The following SERPINA7 variants were observed in gnomAD, a reference collection of about 807,000 sequenced individuals.
SERPINA7 encodes the protein thyroxine-binding globulin.
Under a neutral mutation model 16.0 loss-of-function variants are expected in SERPINA7, and 14 were observed. The observed-to-expected ratio is 0.88, with a 90% CI of 0.58 to 1.37. SERPINA7 has a LOEUF of 1.37. Among genes scored for constraint, SERPINA7 ranks in the 40% most tolerant of loss-of-function variants. The pLI, the probability that SERPINA7 is intolerant of heterozygous loss-of-function variation, is 0.00. For synonymous variants in SERPINA7, 140 were observed against 111.0 expected (o/e 1.26, Z -1.65); for missense variants, 335 against 296.6 (o/e 1.13, Z -0.95).
intron 4 of SERPINA7, among the ~76,000 whole-genome samples, chrX:106,033,926 G>A (rs768153089): frequency 2.0e-4 from 22 of 112,269 alleles, no homozygotes; most frequent in African/African-American, 6.5e-4. Context: ...GCCTGCTGCC[G>A]CCAGGAGTCA....
At chrX:106,036,376 C>G (rs1029267300) in intron 2 of SERPINA7, 61 bp downstream of exon 2, 3 of 1,158,675 alleles carry the variant, frequency 2.6e-6, no homozygotes, top group African/African-American at 3.6e-5. Flanking sequence ...CATGAGCTCC[C>G]CTCAGCACTC....
chrX:106,034,593 T>C (rs1001087007), intron 3 of SERPINA7, among the ~76,000 whole-genome samples: 1 of 112,383 alleles, frequency 8.9e-6, no homozygotes, highest in Non-Finnish European at 1.9e-5. Context: ...ACTGAAGCAC[T>C]GGGAGTAGGG....
Position 106,033,320 on chromosome X carries a change from C to T in SERPINA7, c.*180G>A, listed in dbSNP as rs2041421839. 2.0e-6 allele frequency: 1 copy of T among 508,930 alleles called. No individual in the cohort carries two copies. Among genetic ancestry groups the T allele is most frequent in the African/African-American group, 2.3e-5 (1 of 43,371 alleles). The allele number at this position is 508,930 out of a possible 1,213,427, so 41.9% of individuals were successfully genotyped here. A position where few individuals can be genotyped will look rare whatever the true frequency, so the allele number is the denominator to read the frequency against. ...TAATAATGAATTACTCATTGACATT[C>T]TGAATGCTCTGCCATAGGATTGGCC... On this transcript the variant is annotated 3_prime_UTR_variant, in exon 5 of 5. Transcript: ENST00000372563.
chrX:106,033,401 A>T lies in SERPINA7; in HGVS notation c.*99T>A, dbSNP rs1397612446. ...TTCAATCTTCATCCCATCATAAGGG[A>T]ATGCAAGTCCAAGCTCACATCAATC... On this transcript the variant is annotated 3_prime_UTR_variant, in exon 5 of 5. Coordinates refer to ENST00000372563, the MANE Select transcript of SERPINA7 (RefSeq NM_000354.6). The T allele has an allele frequency of 9.9e-7, 1 of 1,011,128 alleles. No individual in the cohort carries two copies. Among genetic ancestry groups the T allele is most frequent in the Non-Finnish European group, 1.4e-6 (1 of 715,816 alleles). 83.3% of individuals were successfully genotyped at this position (1,011,128 alleles called of 1,213,427 possible).
Position 106,033,616 on chromosome X carries a change from T to G in SERPINA7, c.1132A>C (p.Asn378His), listed in dbSNP as rs777648530. The G allele has an allele frequency of 6.6e-6, 8 of 1,209,478 alleles. No individual in the cohort carries two copies. The highest frequency in any genetic ancestry group is 8.9e-6 in the Non-Finnish European group (8 of 894,977). The change falls in exon 5 of 5, where the codon AAC (asparagine) becomes CAC (histidine). Residue 378 changes from asparagine (N) to histidine (H), a missense_variant. Transcript: ENST00000372563. ...PEVELSDQPENTFLHPIIQID... is the reference protein window; with the variant it reads ...PEVELSDQPEHTFLHPIIQID... ...TGGATAATAGGGTGTAGGAAAGTGTTTTCAGGCTGATCCGAAAGTTCAACT... is the reference window on the plus strand; with the variant it reads ...TGGATAATAGGGTGTAGGAAAGTGTGTTCAGGCTGATCCGAAAGTTCAACT...
chrX:106,034,503 T>A, intron 3 of SERPINA7, 121 bp from the exon 4 acceptor site: 1 of 643,517 alleles, frequency 1.6e-6, no homozygotes, highest in South Asian at 2.5e-5. Flanking sequence ...TTGATAACCA[T>A]TACTATGTAA....
Position 106,034,228 on chromosome X carries a change from A to G in SERPINA7, c.1044+7T>C. 8.3e-7 allele frequency: 1 copy of G among 1,208,713 alleles called. No homozygotes were observed. Among genetic ancestry groups the G allele is most frequent in the Non-Finnish European group, 1.1e-6 (1 of 892,866 alleles). On this transcript the variant is annotated splice_region_variant and intron_variant, in intron 4 of 4. Coordinates refer to ENST00000372563, the MANE Select transcript of SERPINA7 (RefSeq NM_000354.6). ...ATACATTTAAGAACTCTAGTTTATC[A>G]ACTTACATTGGAAAGTTTCAGACCA...
intron 1 of SERPINA7, among the ~76,000 whole-genome samples, chrX:106,037,967 T>A (rs2041464509): frequency 9.0e-6 from 1 of 111,331 alleles, no homozygotes; most frequent in African/African-American, 3.3e-5. Context: ...AAGAGGTCTA[T>A]GAACTCAGAA....
intron 2 of SERPINA7, 107 bp from the exon 3 acceptor site, chrX:106,035,492 A>C (rs772073792): frequency 1.3e-6 from 1 of 778,493 alleles, no homozygotes; most frequent in East Asian, 3.2e-5. Flanking sequence ...CCACAGAGTT[A>C]GGTACCTACA....
rs760040477 is a variant in SERPINA7 at position 106,035,811 on chromosome X, A to G, written c.623-426T>C. The stretch of plus-strand genomic sequence containing the variant: ...CCTCCAAGAAATGTGGCTGACATAT[A>G]CTATAGAACCAGGAGAAATCATTTG... On this transcript the variant is annotated intron_variant, in intron 2 of 4. Coordinates refer to ENST00000372563, the MANE Select transcript of SERPINA7 (RefSeq NM_000354.6). Among the ~76,000 whole-genome samples the G allele has an allele frequency of 5.7e-4, 64 of 112,636 alleles. No homozygotes were observed. The South Asian group carries it at 0.012, about 21-fold the overall frequency.
intron 2 of SERPINA7, 131 bp downstream of exon 2, chrX:106,036,306 G>T: frequency 1.4e-6 from 1 of 689,988 alleles, no homozygotes; most frequent in Non-Finnish European, 2.3e-6. Flanking sequence ...TCACAGCTAT[G>T]TCCAGTGGAG....
At position 106,033,592 on chromosome X, in the gene SERPINA7, G is replaced by C; in HGVS notation, c.1156C>G (p.Gln386Glu). The C allele has an allele frequency of 1.7e-6, 2 of 1,210,618 alleles. No individual in the cohort carries two copies. ...AACAACATGAAAGATCTATCAATTTGGATAATAGGGTGTAGGAAAGTGTTT... is the reference window on the plus strand; with the variant it reads ...AACAACATGAAAGATCTATCAATTTCGATAATAGGGTGTAGGAAAGTGTTT... ...PENTFLHPII[Q>E]IDRSFMLLIL... Residue 386 changes from glutamine to glutamate, a missense_variant, in exon 5 of 5, where the codon CAA (glutamine) becomes GAA (glutamate). Coordinates refer to ENST00000372563, the MANE Select transcript of SERPINA7 (RefSeq NM_000354.6).
rs973692039 is a variant in SERPINA7 at position 106,036,543 on chromosome X, C to T, written c.516G>A (p.Glu172=). 1.7e-6 allele frequency: 2 copies of T among 1,211,377 alleles called. No homozygotes were observed. Among genetic ancestry groups the T allele is most frequent in the Admixed American group, 2.2e-5 (1 of 45,983 alleles). Residue 172 remains glutamate, a synonymous_variant, in exon 2 of 5, where the codon GAG becomes GAA. Transcript: ENST00000372563. The part of the protein sequence containing the change: ...DFSNISAAKQ[E]INSHVEMQTK... ...TTTGCATCTCCACATGACTGTTAAT[C>T]TCCTGCTTGGCTGCAGAAATGTTGG...
intron 1 of SERPINA7, 81 bp from the exon 2 acceptor site, chrX:106,037,156 A>T: frequency 1.4e-6 from 1 of 737,007 alleles, no homozygotes. Context: ...CATAATAACC[A>T]CCCACATTGA....
rs2041420771 is a variant in SERPINA7 at position 106,033,187 on chromosome X, C to T, written c.*313G>A. ...TGCTTTTTAGCTATTCCCCAGAAGACAGAAAAGGGAAAATTTTTCAACCCA... is the reference window on the plus strand; with the variant it reads ...TGCTTTTTAGCTATTCCCCAGAAGATAGAAAAGGGAAAATTTTTCAACCCA... On this transcript the variant is annotated 3_prime_UTR_variant, in exon 5 of 5. Transcript: ENST00000372563. The T allele has an allele frequency of 3.3e-6, 1 of 307,071 alleles. No individual in the cohort carries two copies. Among genetic ancestry groups the T allele is most frequent in the African/African-American group, 2.7e-5 (1 of 36,973 alleles). 25.3% of individuals were successfully genotyped at this position (307,071 alleles called of 1,213,427 possible). A position where few individuals can be genotyped will look rare whatever the true frequency, so the allele number is the denominator to read the frequency against.
chrX:106,034,102 T>C (rs1569336783), intron 4 of SERPINA7, 133 bp downstream of exon 4: 4 of 624,626 alleles, frequency 6.4e-6, no homozygotes, highest in Non-Finnish European at 1.0e-5. Flanking sequence ...TCTGGAGTGA[T>C]TCTAGCTTAG....
chrX:106,036,707 A>G lies in SERPINA7; in HGVS notation c.352T>C (p.Ser118Pro), dbSNP rs748254967. Residue 118 changes from serine (S) to proline (P), a missense_variant, in exon 2 of 5, where the codon TCA (serine) becomes CCA (proline). Transcript: ENST00000372563. ...IQHGFQHLIC[S>P]LNFPKKELEL... ...AGTTCCTTCTTTGGAAAATTCAGTG[A>G]ACAGATCAGATGCTGGAAGCCATGC... The G allele has an allele frequency of 8.3e-7, 1 of 1,211,136 alleles. No homozygotes were observed. The highest frequency in any genetic ancestry group is 1.1e-6 in the Non-Finnish European group (1 of 895,202).
At position 106,036,946 on chromosome X, in the gene SERPINA7, G is replaced by T; in HGVS notation, c.113C>A (p.Thr38Asn). Reference sequence around the variant, plus strand: ...ATTAATGGATGACATCTTGTAGAGAGTGGCATTTGGTTGGGATGAATGGCA... The same window carrying T: ...ATTAATGGATGACATCTTGTAGAGATTGGCATTTGGTTGGGATGAATGGCA... ...TACHSSQPNA[T>N]LYKMSSINAD... The change falls in exon 2 of 5, where the codon ACT becomes AAT. Residue 38 changes from threonine (T) to asparagine (N), a missense_variant. Physicochemically the swap from Thr to Asn is moderately conservative, Grantham distance 65. Coordinates refer to ENST00000372563, the MANE Select transcript of SERPINA7 (RefSeq NM_000354.6). The T allele has an allele frequency of 8.3e-7, 1 of 1,211,384 alleles. No homozygotes were observed. Among genetic ancestry groups the T allele is most frequent in the Non-Finnish European group, 1.1e-6 (1 of 895,202 alleles).
Position 106,033,201 on chromosome X carries a change from T to A in SERPINA7, c.*299A>T. On this transcript the variant is annotated 3_prime_UTR_variant, in exon 5 of 5. Coordinates refer to ENST00000372563, the MANE Select transcript of SERPINA7 (RefSeq NM_000354.6). ...TCCCCAGAAGACAGAAAAGGGAAAA[T>A]TTTTCAACCCAGTCAAATTTATTAG... 1 of 324,996 alleles carries A rather than the reference T, an allele frequency of 3.1e-6. No homozygotes were observed. Among genetic ancestry groups the A allele is most frequent in the African/African-American group, 2.6e-5 (1 of 38,131 alleles). 26.8% of individuals were successfully genotyped at this position (324,996 alleles called of 1,213,427 possible). A position where few individuals can be genotyped will look rare whatever the true frequency, so the allele number is the denominator to read the frequency against.
Sources: gnomAD v4.1 joint callset for allele counts (sites outside exome capture counted in the v4.1 genomes callset) on GRCh38, gnomAD v4.1.1 for gene constraint, MANE v1.5 for transcripts, NCBI Gene and HGNC (gene_info 2026-07-23, HGNC 2026-07-21) for gene names.